SLC9A9: variants seen among roughly 807,000 people sequenced by gnomAD.
The protein encoded by SLC9A9 is solute carrier family 9 member A9.
Under a neutral mutation model 77.8 loss-of-function variants are expected in SLC9A9, and 62 were observed. That is an observed-to-expected ratio of 0.80 (90% CI 0.65 to 0.98). The LOEUF (loss-of-function observed/expected upper bound fraction) is 0.98, where lower values mean the gene tolerates loss of function less well. SLC9A9 is among the 50% of genes least tolerant of loss of function. The pLI is 0.00. For missense variants in SLC9A9, 775 were observed against 774.9 expected (o/e 1.00, Z 0.00); for synonymous variants, 320 against 283.5 (o/e 1.13, Z -1.29).
At chr3:143,816,753 C>G (rs1487943710) in intron 2 of SLC9A9, among the ~76,000 whole-genome samples, 1 of 152,096 alleles carries the variant, frequency 6.6e-6, no homozygotes, top group Non-Finnish European at 1.5e-5. Context: ...GAGGGGCTAC[C>G]CAATTTACAC....
chr3:143,352,887 A>C (rs2032496797), intron 14 of SLC9A9, among the ~76,000 whole-genome samples: 1 of 152,190 alleles, frequency 6.6e-6, no homozygotes, highest in Admixed American at 6.5e-5. Flanking sequence ...TACAGCCACC[A>C]GTTCTCTGCA....
rs751052440 is a variant in SLC9A9, at chr3:143,363,502, C to G, written c.1586G>C (p.Trp529Ser). 3 of 1,612,966 alleles carry G rather than the reference C, an allele frequency of 1.9e-6. No homozygotes were observed. The highest frequency in any genetic ancestry group is 2.5e-6 in the Non-Finnish European group (3 of 1,179,246). Reference protein sequence around the residue: ...KAESARLFRMWYSFDHKYLKP... With the variant: ...KAESARLFRMSYSFDHKYLKP... ...AGGATACTTGTGGTCAAAGCTATAC[C>G]ACATTCTGAAGAGCCGAGCACTCTC... The change falls in exon 14 of 16, where the codon TGG (tryptophan) becomes TCG (serine). Residue 529 changes from tryptophan to serine, a missense_variant. By Grantham distance (177) the Trp-to-Ser change is radical. Transcript: ENST00000316549.
At chr3:143,718,806 C>T (rs1934422118) in intron 4 of SLC9A9, among the ~76,000 whole-genome samples, 1 of 152,102 alleles carries the variant, frequency 6.6e-6, no homozygotes, top group Non-Finnish European at 1.5e-5. Flanking sequence ...TCCTTTAGGG[C>T]TTTGATTTCT....
chr3:143,360,277 A>G (rs1459913470), intron 14 of SLC9A9, among the ~76,000 whole-genome samples: 1 of 152,240 alleles, frequency 6.6e-6, no homozygotes, highest in Admixed American at 6.5e-5. Context: ...AATTAAATGA[A>G]ATAACATTCC....
chr3:143,555,108 A>G (rs891858426), intron 8 of SLC9A9, among the ~76,000 whole-genome samples: 6 of 152,012 alleles, frequency 3.9e-5, no homozygotes, highest in Non-Finnish European at 8.8e-5. Context: ...CTGGTAGGAG[A>G]TAATTGAATC....
Position 143,338,281 on chromosome 3 carries a change from A to G in SLC9A9, c.1604+25203T>C, listed in dbSNP as rs543519420. Among the ~76,000 whole-genome samples, 12 of 152,324 alleles carry G rather than the reference A, an allele frequency of 7.9e-5. No homozygotes were observed. In the East Asian group the frequency reaches 2.1e-3, roughly 27 times the overall value. ...GTAAAAATAAACTGTGTTTTCTGTA[A>G]TATTTCAGCTTGCACAAGGAATGTG... On this transcript the variant is annotated intron_variant, in intron 14 of 15. Coordinates refer to ENST00000316549, the MANE Select transcript of SLC9A9 (RefSeq NM_173653.4).
chr3:143,806,740 G>GGT (rs1553724413), intron 2 of SLC9A9, among the ~76,000 whole-genome samples: 2 of 151,588 alleles, frequency 1.3e-5, no homozygotes, highest in Non-Finnish European at 2.9e-5. Context: ...GTGGTGGTGG[G>GGT]GGGGGCAAGT....
chr3:143,304,455 A>T (rs6798473), intron 14 of SLC9A9, among the ~76,000 whole-genome samples: 52,885 of 152,008 alleles, frequency 0.35, 9,426 homozygotes, highest in East Asian at 0.43. Context: ...AAGCCTCTTG[A>T]TAAGTTTGAG....
chr3:143,680,153 A>T (rs1933037955), intron 5 of SLC9A9, among the ~76,000 whole-genome samples: 1 of 152,152 alleles, frequency 6.6e-6, no homozygotes. Context: ...TTGAGAGAAT[A>T]AAAAAGAAAA....
chr3:143,702,677 G>T (rs1228724170), intron 4 of SLC9A9, among the ~76,000 whole-genome samples: 1 of 151,264 alleles, frequency 6.6e-6, no homozygotes, highest in Non-Finnish European at 1.5e-5. Flanking sequence ...AAAACAACAG[G>T]ACAACAAATA....
chr3:143,667,181 A>T (rs537616649), intron 5 of SLC9A9, among the ~76,000 whole-genome samples: 15 of 152,292 alleles, frequency 9.8e-5, no homozygotes, highest in African/African-American at 3.4e-4. Context: ...AATACCACAC[A>T]TCTACAACCA....
intron 12 of SLC9A9, among the ~76,000 whole-genome samples, chr3:143,388,444 C>A (rs1453801298): frequency 6.6e-6 from 1 of 152,156 alleles, no homozygotes; most frequent in African/African-American, 2.4e-5. Context: ...TTTGCTACTT[C>A]TATAACTTTG....
At chr3:143,486,750 C>G (rs771989865) in intron 11 of SLC9A9, among the ~76,000 whole-genome samples, 7 of 151,806 alleles carry the variant, frequency 4.6e-5, no homozygotes, top group Non-Finnish European at 7.4e-5. Flanking sequence ...GTGTAATCTC[C>G]ATGGTAACCA....
In SLC9A9 at chr3:143,515,749, A is replaced by C. The variant is rs78659591; in HGVS notation, c.1090-20301T>G. Among the ~76,000 whole-genome samples the C allele has an allele frequency of 8.2e-3, 1,252 of 152,266 alleles. 13 individuals are homozygous for C. The highest frequency in any genetic ancestry group is 0.028 in the African/African-American group (1,162 of 41,542). ...TTCCTGGGATAAATGCAGGTTAGTC[A>C]TATGTATTTTTTTACATTGATGAAT... is the stretch of plus-strand genomic sequence containing the variant. On this transcript the variant is annotated intron_variant, in intron 9 of 15. Transcript: ENST00000316549.
chr3:143,848,424 C>T lies in SLC9A9; in HGVS notation c.-102G>A. The T allele has an allele frequency of 4.7e-6, 7 of 1,481,742 alleles. No homozygotes were observed. Among genetic ancestry groups the T allele is most frequent in the Non-Finnish European group, 6.6e-6 (7 of 1,064,400 alleles). The allele number at this position is 1,481,742 out of a possible 1,614,324, so 91.8% of individuals were successfully genotyped here. ...GACTGCCTGAGAATTTCAGAAGAAA[C>T]ACTGCCACTTTAGTTGCTACTTCAC... On this transcript the variant is annotated 5_prime_UTR_variant, in exon 1 of 16. Transcript: ENST00000316549.
intron 12 of SLC9A9, among the ~76,000 whole-genome samples, chr3:143,466,465 A>G (rs901184795): frequency 1.3e-5 from 2 of 152,224 alleles, no homozygotes; most frequent in African/African-American, 4.8e-5. Context: ...ATCTTCCAGA[A>G]CTGCTTATTG....
At chr3:143,696,713 T>C (rs868760221) in intron 4 of SLC9A9, among the ~76,000 whole-genome samples, 58 of 152,290 alleles carry the variant, frequency 3.8e-4, no homozygotes, top group African/African-American at 1.2e-3. Context: ...TAGTTAATTT[T>C]GCAAGTTAGG....
chr3:143,798,969 C>T (rs937543535), intron 2 of SLC9A9, among the ~76,000 whole-genome samples: 1 of 152,182 alleles, frequency 6.6e-6, no homozygotes, highest in South Asian at 2.1e-4. Context: ...TCTTCCTCAG[C>T]CTCTGCTCCT....
In SLC9A9 at chr3:143,574,288, A is replaced by G. The variant is rs2037319863; in HGVS notation, c.895-95T>C. ...AAACTGATCTGGTGATGATAGCTCT[A>G]GAGCAAAGTAAAAGAACTGATATTC... On this transcript the variant is annotated intron_variant, in intron 7 of 15. Transcript: ENST00000316549. 9 of 1,004,030 alleles carry G rather than the reference A, an allele frequency of 9.0e-6. No homozygotes were observed. In the East Asian group the frequency reaches 2.1e-4, roughly 24 times the overall value. 62.2% of individuals were successfully genotyped at this position (1,004,030 alleles called of 1,614,324 possible).
Sources: gnomAD v4.1 joint callset for allele counts (sites outside exome capture counted in the v4.1 genomes callset) on GRCh38, gnomAD v4.1.1 for gene constraint, MANE v1.5 for transcripts, NCBI Gene and HGNC (gene_info 2026-07-23, HGNC 2026-07-21) for gene names.